The following DST variants were observed in gnomAD, a reference collection of about 807,000 sequenced individuals.
The protein encoded by DST is bullous pemphigoid antigen.
Under a neutral mutation model 875.2 loss-of-function variants are expected in DST, and 253 were observed. The observed-to-expected ratio is 0.29, with a 90% confidence interval of 0.26 to 0.32. The LOEUF (loss-of-function observed/expected upper bound fraction) is 0.32, where lower values mean the gene tolerates loss of function less well. DST is among the 10% of genes least tolerant of loss of function. The pLI is 1.00. For missense variants in DST, 8,287 were observed against 9,111.6 expected (o/e 0.91, Z 3.68); for synonymous variants, 3,124 against 3,197.1 (o/e 0.98, Z 0.77).
chr6:56,811,394 T>C (rs1208139770), intron 4 of DST, among the ~76,000 whole-genome samples: 1 of 152,082 alleles, frequency 6.6e-6, no homozygotes, highest in East Asian at 1.9e-4. Context: ...GACCCAGCTC[T>C]GGATTTTCTG....
chr6:56,665,610 G>A (rs2099068398), intron 10 of DST, among the ~76,000 whole-genome samples: 1 of 152,028 alleles, frequency 6.6e-6, no homozygotes, highest in African/African-American at 2.4e-5. Flanking sequence ...TCAAAAATAT[G>A]AGTTACTCTT....
chr6:56,627,799 T>G (rs2098747425), intron 33 of DST, among the ~76,000 whole-genome samples, 200 bp downstream of exon 33: 2 of 152,196 alleles, frequency 1.3e-5, no homozygotes. Flanking sequence ...TGATTACCCA[T>G]GCTTTCAAAA....
At chr6:56,848,577 G>T (rs1763255135) in intron 4 of DST, among the ~76,000 whole-genome samples, 1 of 152,152 alleles carries the variant, frequency 6.6e-6, no homozygotes. Context: ...CTCACACTGG[G>T]TGATGAGTGG....
intron 3 of DST, among the ~76,000 whole-genome samples, chr6:56,872,728 TG>T (rs1414572545): frequency 6.6e-6 from 1 of 151,694 alleles, no homozygotes; most frequent in Non-Finnish European, 1.5e-5. Flanking sequence ...TTGTTTTGAG[TG>T]GGGGTGTATA....
intron 7 of DST, among the ~76,000 whole-genome samples, chr6:56,702,198 T>G (rs1032982820): frequency 2.6e-5 from 4 of 152,160 alleles, no homozygotes; most frequent in African/African-American, 9.6e-5. Context: ...TATGACAAAT[T>G]TTTTGTTTAA....
At chr6:56,689,451 T>C (rs2099212485) in intron 9 of DST, among the ~76,000 whole-genome samples, 1 of 152,146 alleles carries the variant, frequency 6.6e-6, no homozygotes. Context: ...ATTCTCTAAA[T>C]CTGGTGTGTT....
intron 96 of DST, 57 bp downstream of exon 96, chr6:56,470,071 T>A: frequency 6.2e-7 from 1 of 1,605,512 alleles, no homozygotes; most frequent in Non-Finnish European, 8.5e-7. Context: ...GAATTGTGCA[T>A]GATATCGTGG....
rs943156209 is a variant in DST at position 56,535,278 on chromosome 6, T to G, written c.16785A>C (p.Ala5595=). The change falls in exon 63 of 104, where the codon GCA becomes GCC. Residue 5595 remains alanine (A), a synonymous_variant. Coordinates refer to ENST00000680361, the MANE Select transcript of DST (RefSeq NM_001374736.1). ...KTLNKKVAQR[A]AQLQEALLHC... is the part of the protein sequence containing the mutation. ...GCAGCAAGGCCTCCTGCAGCTGGGCTGCTCGCTGAGCCACCTGCAAAGTGC... is the reference window on the plus strand; with the variant it reads ...GCAGCAAGGCCTCCTGCAGCTGGGCGGCTCGCTGAGCCACCTGCAAAGTGC... 1 of 1,576,516 alleles carries G rather than the reference T, an allele frequency of 6.3e-7. No homozygotes were observed. Among genetic ancestry groups the G allele is most frequent in the Non-Finnish European group, 8.6e-7 (1 of 1,168,910 alleles).
intron 2 of DST, among the ~76,000 whole-genome samples, chr6:56,923,565 G>C (rs1805397165): frequency 6.6e-6 from 1 of 152,012 alleles, no homozygotes; most frequent in Non-Finnish European, 1.5e-5. Flanking sequence ...CAATTTGGAG[G>C]CTGGTTAATT....
chr6:56,496,102 A>C (rs536123761), intron 82 of DST, among the ~76,000 whole-genome samples: 1 of 152,308 alleles, frequency 6.6e-6, no homozygotes, highest in African/African-American at 2.4e-5. Context: ...AATATTTTAA[A>C]AAATTTCTGA....
intron 61 of DST, among the ~76,000 whole-genome samples, chr6:56,543,182 G>T (rs890376507): frequency 2.0e-5 from 3 of 152,192 alleles, no homozygotes; most frequent in Admixed American, 6.5e-5. Context: ...TACTAAATGG[G>T]AAAAGGGGGG....
At chr6:56,749,625 G>A (rs540504926) in intron 4 of DST, among the ~76,000 whole-genome samples, 1 of 152,172 alleles carries the variant, frequency 6.6e-6, no homozygotes, top group East Asian at 1.9e-4. Context: ...TCTTTAATTT[G>A]ACCAGGGAGT....
rs997518064 is a variant in DST at position 56,555,879 on chromosome 6, A to G, written c.14641-39T>C. On this transcript the variant is annotated intron_variant, in intron 59 of 103. Transcript: ENST00000680361. ...GGTAAACAAACGCAAATTATTATATAATTGATTGTAGAAAACACAGATTTG... is the reference window on the plus strand; with the variant it reads ...GGTAAACAAACGCAAATTATTATATGATTGATTGTAGAAAACACAGATTTG... The G allele has an allele frequency of 4.9e-6, 7 of 1,423,462 alleles. 1 individual carries two copies. Among genetic ancestry groups the G allele is most frequent in the Middle Eastern group, 1.8e-4 (1 of 5,454 alleles). The allele number at this position is 1,423,462 out of a possible 1,614,324, so 88.2% of individuals were successfully genotyped here.
At chr6:56,942,985 T>C (rs1817470368) in intron 2 of DST, among the ~76,000 whole-genome samples, 1 of 152,174 alleles carries the variant, frequency 6.6e-6, no homozygotes, top group Admixed American at 6.5e-5. Context: ...CCTCCCAAAG[T>C]GCTGGGATTA....
intron 60 of DST, among the ~76,000 whole-genome samples, chr6:56,553,900 G>T (rs950016698): frequency 4.6e-5 from 7 of 152,030 alleles, no homozygotes; most frequent in African/African-American, 1.7e-4. Flanking sequence ...GGAAAACAAA[G>T]AATAAGGAAA....
Position 56,646,009 on chromosome 6 carries a change from A to C in DST, c.1651-16T>G, listed in dbSNP as rs745608776. 3.7e-5 allele frequency: 59 copies of C among 1,605,830 alleles called. No individual in the cohort carries two copies. Among genetic ancestry groups the C allele is most frequent in the Admixed American group, 8.6e-5 (5 of 58,096 alleles). ...CTATCCAAATCTTGAGAAAACAAAA[A>C]ACTTTAATGTGAAGCAAAAATGAAA... On this transcript the variant is annotated splice_polypyrimidine_tract_variant and intron_variant, in intron 14 of 103. Transcript: ENST00000680361.
At chr6:56,732,954 A>G (rs2099508280) in intron 5 of DST, among the ~76,000 whole-genome samples, 1 of 152,202 alleles carries the variant, frequency 6.6e-6, no homozygotes, top group Admixed American at 6.5e-5. Flanking sequence ...ACGAGGGAAC[A>G]GAACCAGAAG....
intron 4 of DST, among the ~76,000 whole-genome samples, chr6:56,778,800 T>A (rs1330896406): frequency 1.3e-5 from 2 of 152,066 alleles, no homozygotes; most frequent in African/African-American, 4.8e-5. Context: ...ACATTTGGCT[T>A]GGTTCCAAGT....
chr6:56,635,579 G>A lies in DST; in HGVS notation c.3186+10C>T. ...CATACTTATAAAATGCATAGGTTTT[G>A]TATTAGTACCATTGATTCCTGAACA... On this transcript the variant is annotated intron_variant, in intron 24 of 103. Transcript: ENST00000680361. The A allele has an allele frequency of 1.2e-6, 2 of 1,613,628 alleles. No individual in the cohort carries two copies.
Sources: allele counts gnomAD v4.1 joint callset (sites outside exome capture counted in the v4.1 genomes callset), GRCh38; gene constraint gnomAD v4.1.1; transcripts MANE v1.5; gene names NCBI Gene and HGNC (gene_info 2026-07-23, HGNC 2026-07-21).